The following NAV2 variants were observed in gnomAD, a reference collection of about 807,000 sequenced individuals.
NAV2 encodes the protein neuron navigator 2.
NAV2 carries 54 observed loss-of-function variants against 223.2 expected under a neutral mutation model. That is an observed-to-expected ratio of 0.24 (90% CI 0.19 to 0.30). The LOEUF (loss-of-function observed/expected upper bound fraction) is 0.30. Among genes scored for constraint, NAV2 ranks in the 10% least tolerant of loss-of-function variants. The pLI, the probability that NAV2 is intolerant of heterozygous loss-of-function variation, is 1.00. For missense variants in NAV2, 2,806 were observed against 3,147.5 expected, an observed-to-expected ratio of 0.89 and a Z score of 2.60; for synonymous variants, 1,279 against 1,239.3, an observed-to-expected ratio of 1.03 and a Z score of -0.67.
At chr11:19,650,652 C>A (rs2080587390) in intron 1 of NAV2, among the ~76,000 whole-genome samples, 1 of 152,138 alleles carries the variant, frequency 6.6e-6, no homozygotes, top group Admixed American at 6.6e-5. Flanking sequence ...TTCACAGTAG[C>A]CCCAAACTGG....
intron 1 of NAV2, among the ~76,000 whole-genome samples, chr11:19,678,298 T>A (rs2048777848): frequency 6.6e-6 from 1 of 152,202 alleles, no homozygotes; most frequent in South Asian, 2.1e-4. Context: ...GTATTCTCGT[T>A]TTGTACATGA....
chr11:19,387,171 C>T (rs554127255), intron 1 of NAV2, among the ~76,000 whole-genome samples: 4 of 152,242 alleles, frequency 2.6e-5, no homozygotes, highest in South Asian at 4.1e-4. Flanking sequence ...GATTGGTTCA[C>T]GTTAATCGTT....
intron 1 of NAV2, among the ~76,000 whole-genome samples, chr11:19,630,464 A>G (rs958713608): frequency 2.0e-5 from 3 of 152,224 alleles, no homozygotes; most frequent in African/African-American, 4.8e-5. Flanking sequence ...CCAAGAAGAC[A>G]TGATGGTGAG....
rs1044996359 is a variant in NAV2, at chr11:19,779,027, A to G, written c.268-53457A>G. On this transcript the variant is annotated intron_variant, in intron 1 of 37. Coordinates refer to ENST00000349880, the MANE Select transcript of NAV2 (RefSeq NM_145117.5). ...GGGATGGCTTCTGGAGCTTGGTGGCAGGTGGCCATGGTAAGGGCTGGGATG... is the reference window on the plus strand; with the variant it reads ...GGGATGGCTTCTGGAGCTTGGTGGCGGGTGGCCATGGTAAGGGCTGGGATG... 3.9e-5 allele frequency among the ~76,000 whole-genome samples: 6 copies of G among 152,310 alleles called. No homozygotes were observed. In the East Asian group the frequency reaches 5.8e-4, roughly 15 times the overall value.
chr11:19,825,611 T>G (rs1430723094), intron 1 of NAV2, among the ~76,000 whole-genome samples: 1 of 152,220 alleles, frequency 6.6e-6, no homozygotes, highest in Non-Finnish European at 1.5e-5. Context: ...GCACTTTCAG[T>G]GCAGTTGTTT....
intron 4 of NAV2, among the ~76,000 whole-genome samples, chr11:19,874,476 A>G (rs890134417): frequency 2.0e-5 from 3 of 152,190 alleles, no homozygotes; most frequent in African/African-American, 7.2e-5. Flanking sequence ...AATCAGATAC[A>G]AAATAGTAAC....
At chr11:19,394,175 C>T (rs1250421678) in intron 1 of NAV2, among the ~76,000 whole-genome samples, 1 of 152,150 alleles carries the variant, frequency 6.6e-6, no homozygotes, top group Non-Finnish European at 1.5e-5. Flanking sequence ...ACTGAGTCTC[C>T]TTAACATCCT....
chr11:19,373,422 T>C (rs1848537476), intron 1 of NAV2, among the ~76,000 whole-genome samples: 1 of 152,206 alleles, frequency 6.6e-6, no homozygotes, highest in Non-Finnish European at 1.5e-5. Flanking sequence ...TGCTGCTCCT[T>C]GAATCTGCCA....
intron 10 of NAV2, among the ~76,000 whole-genome samples, chr11:19,972,068 A>C (rs1250302003): frequency 6.6e-6 from 1 of 152,178 alleles, no homozygotes; most frequent in Non-Finnish European, 1.5e-5. Flanking sequence ...CTTGGGGGTG[A>C]GGAGGTGCAG....
At chr11:20,010,477 A>G (rs140737808) in intron 11 of NAV2, among the ~76,000 whole-genome samples, 6 of 152,252 alleles carry the variant, frequency 3.9e-5, no homozygotes, top group African/African-American at 1.4e-4. Context: ...ATCCAGATGC[A>G]TTTGTGAGAT....
In NAV2 at chr11:19,933,875, C is replaced by A. The variant is rs1258255933; in HGVS notation, c.1631C>A (p.Pro544His). ...TCCTCCAAGATTGCCAGCTTCATCCCCAAAGGGGGGAAGCTCAACAGTGCC... is the reference window on the plus strand; with the variant it reads ...TCCTCCAAGATTGCCAGCTTCATCCACAAAGGGGGGAAGCTCAACAGTGCC... ...KKSSKIASFI[P>H]KGGKLNSAKK... The change falls in exon 7 of 38, where the codon CCC becomes CAC. Residue 544 changes from proline (P) to histidine (H), a missense_variant. Physicochemically the swap from Pro to His is moderately conservative, Grantham distance 77. This residue lies in a region of NAV2 where 1,167 missense variants were observed against 1,180.5 expected (regional missense o/e 0.99). Transcript: ENST00000349880. The surrounding 1 kb of genome is among the most constrained non-coding windows in gnomAD (Gnocchi z 4.3). 7 of 1,600,982 alleles carry A rather than the reference C, an allele frequency of 4.4e-6. No individual in the cohort carries two copies. The highest frequency in any genetic ancestry group is 6.0e-6 in the Non-Finnish European group (7 of 1,175,484).
At chr11:20,117,602 C>T (rs528897404) in intron 37 of NAV2, among the ~76,000 whole-genome samples, 169 of 152,184 alleles carry the variant, frequency 1.1e-3, no homozygotes, top group African/African-American at 4.0e-3. Flanking sequence ...ACAGTTGGCT[C>T]CAGTCTGACC....
At chr11:19,412,675 A>G (rs1425559825) in intron 1 of NAV2, among the ~76,000 whole-genome samples, 1 of 152,164 alleles carries the variant, frequency 6.6e-6, no homozygotes, top group East Asian at 1.9e-4. Context: ...ACAAGAGAGC[A>G]CCAGCTGGCA....
intron 1 of NAV2, among the ~76,000 whole-genome samples, chr11:19,562,858 A>C (rs1318427376): frequency 6.6e-6 from 1 of 152,210 alleles, no homozygotes; most frequent in South Asian, 2.1e-4. Flanking sequence ...AATCATATGT[A>C]TTAATGGTGT....
chr11:19,586,944 G>A (rs914407572), intron 1 of NAV2, among the ~76,000 whole-genome samples: 3 of 152,234 alleles, frequency 2.0e-5, no homozygotes, highest in Admixed American at 2.0e-4. Flanking sequence ...GGTTTCTGCT[G>A]CCTTTTGTTT....
intron 1 of NAV2, among the ~76,000 whole-genome samples, chr11:19,527,192 C>T (rs2043867802): frequency 6.6e-6 from 1 of 152,084 alleles, no homozygotes; most frequent in Admixed American, 6.6e-5. Flanking sequence ...TTCCCCCATA[C>T]TGTTCTCATG....
chr11:19,837,521 A>G lies in NAV2; in HGVS notation c.385+4920A>G, dbSNP rs1282879817. Among the ~76,000 whole-genome samples the G allele has an allele frequency of 2.6e-5, 4 of 152,208 alleles. No individual in the cohort carries two copies. The East Asian group carries it at 5.8e-4, about 22-fold the overall frequency. Reference sequence around the variant, plus strand: ...ATCATGACTAGGTGATCAAAATTACATCACTGGTGAGGGACAGATGGACGT... The same window carrying G: ...ATCATGACTAGGTGATCAAAATTACGTCACTGGTGAGGGACAGATGGACGT... On this transcript the variant is annotated intron_variant, in intron 2 of 37. Transcript: ENST00000349880.
intron 11 of NAV2, among the ~76,000 whole-genome samples, chr11:20,016,914 G>A (rs2054059531): frequency 6.6e-6 from 1 of 152,028 alleles, no homozygotes; most frequent in Admixed American, 6.5e-5. Flanking sequence ...GCTGAGGCAT[G>A]AGAATTGCAT....
intron 1 of NAV2, among the ~76,000 whole-genome samples, chr11:19,424,382 C>T: frequency 6.6e-6 from 1 of 152,136 alleles, no homozygotes. Flanking sequence ...GGCTGAAATG[C>T]TGTCAGAGAT....
Sources: allele counts gnomAD v4.1 joint callset (sites outside exome capture counted in the v4.1 genomes callset), GRCh38; gene constraint gnomAD v4.1.1; regional missense constraint gnomAD v4.1.1; non-coding constraint Gnocchi (gnomAD v3.1); transcripts MANE v1.5; gene names NCBI Gene and HGNC (gene_info 2026-07-23, HGNC 2026-07-21).